The following OR14A2 variants were observed in gnomAD, a reference collection of about 807,000 sequenced individuals.
The protein encoded by OR14A2 is olfactory receptor 14A2.
For synonymous variants in OR14A2, 114 were observed against 58.6 expected, an observed-to-expected ratio of 1.95 and a Z score of -4.32; for missense variants, 237 against 152.9, an observed-to-expected ratio of 1.55 and a Z score of -2.90.
At chr1:247,723,366 G>T (rs202090350) in exon 1 of OR14A2, 172 of 717,460 alleles carry the variant, frequency 2.4e-4, no homozygotes, top group Non-Finnish European at 6.8e-5. Context: ...TAGTGGTAGG[G>T]ATCTTCAGTA....
chr1:247,723,013 C>T, downstream of OR14A2: 1 of 616,384 alleles, frequency 1.6e-6, no homozygotes, highest in South Asian at 2.1e-5. Context: ...ATATTGCTTT[C>T]TTTTCTCAGG....
chr1:247,723,763 C>T, exon 1 of OR14A2: 1 of 717,998 alleles, frequency 1.4e-6, no homozygotes, highest in South Asian at 1.5e-5. Context: ...GAAGGCACAT[C>T]CTAGAATGGA....
At chr1:247,723,977 T>C (rs1660271323) in exon 1 of OR14A2, 1 of 715,802 alleles carries the variant, frequency 1.4e-6, no homozygotes, top group Admixed American at 2.0e-5. Context: ...CCATATAAAA[T>C]CCGCAGCTTC....
At chr1:247,729,013 A>G (rs541447454), upstream of OR14A2, among the ~76,000 whole-genome samples, 12 of 152,218 alleles carry the variant, frequency 7.9e-5, no homozygotes, top group South Asian at 8.3e-4. Context: ...GTTTCTTCAC[A>G]TGGAAGGATG....
upstream of OR14A2, among the ~76,000 whole-genome samples, chr1:247,727,113 TTACCTTGGG>T (rs1224383292): frequency 1.3e-5 from 2 of 150,712 alleles, no homozygotes; most frequent in South Asian, 2.1e-4. Context: ...AATCCGTAAA[TTACCTTGGG>T]CAGTATGGCC....
chr1:247,734,987 C>T, the OR14A2 span, among the ~76,000 whole-genome samples: 2 of 152,140 alleles, frequency 1.3e-5, no homozygotes, highest in Admixed American at 1.3e-4. Context: ...GTACCTCATC[C>T]CAACCCTGGA....
the OR14A2 span, among the ~76,000 whole-genome samples, chr1:247,745,091 G>A: frequency 1.2e-4 from 19 of 152,018 alleles, no homozygotes; most frequent in Non-Finnish European, 2.4e-4. Context: ...AAAATTAAAG[G>A]GGCTATGACT....
At chr1:247,740,238 G>T in the OR14A2 span, among the ~76,000 whole-genome samples, 1 of 152,024 alleles carries the variant, frequency 6.6e-6, no homozygotes, top group South Asian at 2.1e-4. Flanking sequence ...GTTAGTTTCT[G>T]CTTTATTGTC....
the OR14A2 span, among the ~76,000 whole-genome samples, chr1:247,733,673 A>G: frequency 1.3e-5 from 2 of 152,288 alleles, no homozygotes; most frequent in South Asian, 4.1e-4. Flanking sequence ...ACCAAGAAGA[A>G]CAAAAACAAA....
the OR14A2 span, chr1:247,739,266 T>G: frequency 1.3e-6 from 1 of 780,788 alleles, no homozygotes; most frequent in Non-Finnish European, 2.4e-6. Flanking sequence ...TTCCTATGTG[T>G]ACATTTTCTC....
chr1:247,736,193 C>G, the OR14A2 span, among the ~76,000 whole-genome samples: 1 of 151,416 alleles, frequency 6.6e-6, no homozygotes, highest in Non-Finnish European at 1.5e-5. Context: ...CTCCTCTTCC[C>G]CTTTGCTCTC....
chr1:247,738,900 G>A, the OR14A2 span: 42 of 780,658 alleles, frequency 5.4e-5, 2 homozygotes, highest in South Asian at 5.6e-4. Context: ...CCTGGGGTGT[G>A]TGTTGCAGCT....
the OR14A2 span, chr1:247,739,494 G>T: frequency 3.8e-6 from 3 of 780,812 alleles, no homozygotes; most frequent in Non-Finnish European, 4.8e-6. Context: ...GAAGAACAAG[G>T]ACATTAAATC....
At chr1:247,747,461 A>G in the OR14A2 span, among the ~76,000 whole-genome samples, 1 of 149,278 alleles carries the variant, frequency 6.7e-6, no homozygotes, top group Non-Finnish European at 1.5e-5. Flanking sequence ...TCCCAGGTTC[A>G]TGCGATTCTC....
At chr1:247,732,258 G>A in the OR14A2 span, among the ~76,000 whole-genome samples, 1 of 151,962 alleles carries the variant, frequency 6.6e-6, no homozygotes, top group Admixed American at 6.6e-5. Flanking sequence ...GAAAAAAATA[G>A]GATCTATCTC....
Position 247,723,630 on chromosome 1 carries a change from GAC to G in OR14A2, c.412_413del (p.Val138LeufsTer40), listed in dbSNP as rs758614486. 1.4e-6 allele frequency: 1 copy of G among 718,418 alleles called. No homozygotes were observed. The highest frequency in any genetic ancestry group is 1.5e-5 in the South Asian group (1 of 67,584). 44.5% of individuals were successfully genotyped at this position (718,418 alleles called of 1,614,324 possible). On this transcript the variant is annotated frameshift_variant, in exon 1 of 1. Coordinates refer to ENST00000366485, the Ensembl canonical transcript of OR14A2. LOFTEE classifies it low-confidence loss of function (END_TRUNC). ...AGGAAACACTTGCCATTAACACACA[GAC>G]TCCAGTATTCATGATTACCTCGTAG... is the stretch of plus-strand genomic sequence containing the variant.
At chr1:247,723,887 G>A (rs1224595962) in exon 1 of OR14A2, 1 of 717,524 alleles carries the variant, frequency 1.4e-6, no homozygotes, top group Admixed American at 2.0e-5. Flanking sequence ...GGTGTTTGGA[G>A]CTTTACGTCC....
upstream of OR14A2, among the ~76,000 whole-genome samples, chr1:247,726,934 A>G (rs1193689876): frequency 1.4e-5 from 2 of 143,370 alleles, no homozygotes; most frequent in Non-Finnish European, 3.0e-5. Flanking sequence ...TGGTTACTGT[A>G]GCCTTGTAGT....
the OR14A2 span, among the ~76,000 whole-genome samples, chr1:247,743,078 CA>C: frequency 1.3e-5 from 2 of 152,232 alleles, no homozygotes; most frequent in South Asian, 2.1e-4. Flanking sequence ...TTGAAACAAC[CA>C]GAGTATGGAA....
Sources: gnomAD v4.1 joint callset for allele counts (sites outside exome capture counted in the v4.1 genomes callset) on GRCh38, gnomAD v4.1.1 for gene constraint, MANE v1.5 for transcripts, NCBI Gene and HGNC (gene_info 2026-07-23, HGNC 2026-07-21) for gene names.